The following AFF3 variants were observed in gnomAD, a reference collection of about 807,000 sequenced individuals.
The protein encoded by AFF3 is AF4/FMR2 family member 3.
A neutral mutation model predicts 129.7 loss-of-function variants in AFF3; 32 were observed. That is an observed-to-expected ratio of 0.25 (90% CI 0.19 to 0.33). The LOEUF is 0.33. Among genes scored for constraint, AFF3 ranks in the 10% least tolerant of loss-of-function variants. The pLI is 1.00. For synonymous variants in AFF3, 644 were observed against 635.4 expected (o/e 1.01, Z -0.20); for missense variants, 1,373 against 1,592.0 (o/e 0.86, Z 2.34).
At chr2:99,886,109 T>C (rs1001584503) in intron 7 of AFF3, among the ~76,000 whole-genome samples, 8 of 152,194 alleles carry the variant, frequency 5.3e-5, no homozygotes, top group African/African-American at 1.9e-4. Flanking sequence ...AAAATGCATT[T>C]AAAAATCTCT....
intron 4 of AFF3, among the ~76,000 whole-genome samples, chr2:100,056,874 C>T (rs868671815): frequency 1.3e-4 from 20 of 152,126 alleles, no homozygotes; most frequent in Admixed American, 7.2e-4. Context: ...GGGGTAAATA[C>T]GAATAGAGGC....
chr2:99,931,199 C>A (rs1164205254), intron 7 of AFF3, among the ~76,000 whole-genome samples: 2 of 152,118 alleles, frequency 1.3e-5, no homozygotes, highest in Non-Finnish European at 2.9e-5. Flanking sequence ...TTAGTTTATG[C>A]CCCAGGTGGG....
chr2:99,998,301 T>C (rs1337211010), intron 7 of AFF3, among the ~76,000 whole-genome samples: 1 of 151,956 alleles, frequency 6.6e-6, no homozygotes, highest in African/African-American at 2.4e-5. Context: ...AGGGTCAGAG[T>C]TGCCCAAAGA....
rs553450049 is a variant in AFF3, at chr2:99,977,209, T to C, written c.873+29423A>G. On this transcript the variant is annotated intron_variant, in intron 7 of 24. Transcript: ENST00000672756. ...TGGTCCCTTCAGGCGTGTGAATCTA[T>C]GGGTTTGACTGGCATGTCAGAAGCT... is the stretch of plus-strand genomic sequence containing the variant. Among the ~76,000 whole-genome samples the C allele has an allele frequency of 1.8e-4, 27 of 152,290 alleles. No individual in the cohort carries two copies. The South Asian group carries it at 5.4e-3, about 30-fold the overall frequency.
At chr2:99,906,421 C>T (rs1005314557) in intron 7 of AFF3, among the ~76,000 whole-genome samples, 3 of 152,156 alleles carry the variant, frequency 2.0e-5, no homozygotes, top group African/African-American at 7.2e-5. Flanking sequence ...AACCCTACCC[C>T]TATCTATCTG....
At chr2:99,929,892 C>T (rs979612326) in intron 7 of AFF3, among the ~76,000 whole-genome samples, 22 of 150,666 alleles carry the variant, frequency 1.5e-4, no homozygotes, top group African/African-American at 4.4e-4. Flanking sequence ...GGGGTAAATG[C>T]GCCATTATAC....
rs748606488 is a variant in AFF3 at position 99,578,370 on chromosome 2, C to G, written c.2875G>C (p.Gly959Arg). The change falls in exon 18 of 25, where the codon GGC becomes CGC. Residue 959 changes from glycine to arginine, a missense_variant. Around this residue, in one of 9 missense-constraint regions of AFF3, gnomAD observed 466 missense variants for 505.0 expected, o/e 0.92. Transcript: ENST00000672756. ...QTKPWSPGSN[G>R]HRDCKRQKLV... ...TTCTGCCTCTTGCAGTCCCTGTGGC[C>G]GTTGGAGCCTGGAGACCACGGCTTC... The G allele has an allele frequency of 4.4e-6, 7 of 1,608,458 alleles. No individual in the cohort carries two copies. Among genetic ancestry groups the G allele is most frequent in the Admixed American group, 1.7e-5 (1 of 58,586 alleles).
chr2:99,740,620 A>G (rs1680643806), intron 10 of AFF3, among the ~76,000 whole-genome samples: 1 of 151,834 alleles, frequency 6.6e-6, no homozygotes, highest in Non-Finnish European at 1.5e-5. Context: ...TCTTTTGAGA[A>G]GTGTCTGTTC....
chr2:99,968,842 C>T (rs1047343784), intron 7 of AFF3, among the ~76,000 whole-genome samples: 11 of 152,226 alleles, frequency 7.2e-5, no homozygotes, highest in South Asian at 4.1e-4. Context: ...CTCCCTCTAC[C>T]TCTCTTTGCT....
intron 10 of AFF3, among the ~76,000 whole-genome samples, chr2:99,727,559 ATT>A (rs35336994): frequency 3.1e-3 from 394 of 127,712 alleles, no homozygotes; most frequent in Middle Eastern, 4.1e-3. Flanking sequence ...GGAGGAAAGA[ATT>A]TTTTTTTTTT....
intron 13 of AFF3, 88 bp from the exon 14 acceptor site, chr2:99,601,709 A>G (rs1238065763): frequency 2.7e-6 from 4 of 1,461,736 alleles, no homozygotes; most frequent in East Asian, 4.7e-5. Flanking sequence ...CATGCACCCT[A>G]AAGAGGGAGG....
At chr2:100,111,966 A>C (rs1691524596) in intron 2 of AFF3, among the ~76,000 whole-genome samples, 2 of 152,238 alleles carry the variant, frequency 1.3e-5, no homozygotes, top group Non-Finnish European at 2.9e-5. Context: ...TCAAGGGCTC[A>C]GCTCTAGCTG....
chr2:99,802,817 G>T (rs1378382185), intron 8 of AFF3, among the ~76,000 whole-genome samples: 1 of 150,532 alleles, frequency 6.6e-6, no homozygotes, highest in Non-Finnish European at 1.5e-5. Context: ...TGTAACCTAA[G>T]ACTTTACTGA....
intron 7 of AFF3, among the ~76,000 whole-genome samples, chr2:99,905,079 C>T (rs935237082): frequency 6.6e-6 from 1 of 152,132 alleles, no homozygotes; most frequent in Admixed American, 6.5e-5. Flanking sequence ...CCTCCTCCTG[C>T]TCTCTCTACC....
intron 11 of AFF3, among the ~76,000 whole-genome samples, chr2:99,680,123 A>G (rs976830820): frequency 6.6e-6 from 1 of 152,238 alleles, no homozygotes; most frequent in African/African-American, 2.4e-5. Context: ...AGGGCAATCT[A>G]GGCCACAGTT....
At chr2:99,791,736 A>T (rs1685201951) in intron 8 of AFF3, among the ~76,000 whole-genome samples, 1 of 152,220 alleles carries the variant, frequency 6.6e-6, no homozygotes, top group African/African-American at 2.4e-5. Context: ...ACAAGGCTGA[A>T]AAAGGTGACA....
At chr2:99,942,547 CGG>C (rs56988005) in intron 7 of AFF3, among the ~76,000 whole-genome samples, 13,745 of 59,212 alleles carry the variant, frequency 0.23, 579 homozygotes, top group Non-Finnish European at 0.32. Flanking sequence ...GGGGGAGGGG[CGG>C]GGGGGGGGTC....
intron 7 of AFF3, among the ~76,000 whole-genome samples, chr2:99,930,424 C>T (rs758689806): frequency 2.0e-5 from 3 of 152,182 alleles, no homozygotes; most frequent in Non-Finnish European, 4.4e-5. Flanking sequence ...ACACCAGCCA[C>T]GTGTACCATG....
At chr2:99,832,967 T>C (rs1688613287) in intron 8 of AFF3, among the ~76,000 whole-genome samples, 1 of 152,196 alleles carries the variant, frequency 6.6e-6, no homozygotes, top group Admixed American at 6.5e-5. Flanking sequence ...AAAAAAAGCC[T>C]GCCTGGTCTG....
Sources: gnomAD v4.1 joint callset for allele counts (sites outside exome capture counted in the v4.1 genomes callset) on GRCh38, gnomAD v4.1.1 for gene constraint, gnomAD v4.1.1 regional missense constraint, MANE v1.5 for transcripts, NCBI Gene and HGNC (gene_info 2026-07-23, HGNC 2026-07-21) for gene names.